The following LRP2 variants were observed in gnomAD, a reference collection of about 807,000 sequenced individuals.
The protein encoded by LRP2 is LDL receptor related protein 2.
In LRP2, 172 loss-of-function variants were observed where a neutral mutation model predicts 531.0. That is an observed-to-expected ratio of 0.32 (90% confidence interval 0.29 to 0.37). The LOEUF (loss-of-function observed/expected upper bound fraction) is 0.37. Ranked by LOEUF, LRP2 falls within the 10% of genes least tolerant of loss-of-function variation. LRP2 has a pLI of 1.00. For missense variants in LRP2, 5,167 were observed against 5,868.3 expected, an observed-to-expected ratio of 0.88 and a Z score of 3.90; for synonymous variants, 1,992 against 2,027.6, an observed-to-expected ratio of 0.98 and a Z score of 0.47.
intron 1 of LRP2, among the ~76,000 whole-genome samples, chr2:169,359,032 A>T (rs1686074122): frequency 6.6e-6 from 1 of 152,070 alleles, no homozygotes; most frequent in Admixed American, 6.5e-5. Flanking sequence ...GGAAATAGGA[A>T]TAGGAAGCAA....
At chr2:169,137,561 A>G in intron 75 of LRP2, 68 bp from the exon 76 acceptor site, 1 of 1,006,394 alleles carries the variant, frequency 9.9e-7, no homozygotes, top group South Asian at 1.3e-5. Context: ...ACACCATACT[A>G]ATCTGGTTCA....
chr2:169,143,543 G>A (rs948860187), intron 70 of LRP2, among the ~76,000 whole-genome samples: 21 of 152,196 alleles, frequency 1.4e-4, no homozygotes, highest in African/African-American at 4.8e-4. Flanking sequence ...GTACTCAGGA[G>A]GCTGAGGCAG....
intron 41 of LRP2, 70 bp from the exon 42 acceptor site, chr2:169,204,341 A>C: frequency 7.3e-7 from 1 of 1,374,848 alleles, no homozygotes; most frequent in Non-Finnish European, 1.0e-6. Context: ...TGGCAGCCCA[A>C]TGCATGCGCC....
At chr2:169,347,310 C>T (rs573300818) in intron 1 of LRP2, among the ~76,000 whole-genome samples, 4 of 152,270 alleles carry the variant, frequency 2.6e-5, no homozygotes, top group Middle Eastern at 6.8e-3. Context: ...ACTTTGGGAC[C>T]AAGAGACCTT....
intron 62 of LRP2, among the ~76,000 whole-genome samples, chr2:169,163,213 CT>C (rs1558988302): frequency 1.3e-5 from 2 of 152,178 alleles, no homozygotes; most frequent in African/African-American, 4.8e-5. Flanking sequence ...CACATGCTTA[CT>C]GAACCTGTCA....
chr2:169,236,930 GATTCAGATGAAGGAGAGATAGCA>G (rs1303893285), intron 28 of LRP2, among the ~76,000 whole-genome samples, 150 bp downstream of exon 28: 1 of 152,198 alleles, frequency 6.6e-6, no homozygotes, highest in Admixed American at 6.5e-5. Context: ...TGAAGAGGAT[GATTCAGATGAAGGAGAGATAGCA>G]ACACCCAGTT....
chr2:169,243,058 C>G lies in LRP2; in HGVS notation c.3565G>C (p.Ala1189Pro), dbSNP rs758122669. Residue 1189 changes from alanine to proline, a missense_variant, in exon 24 of 79, where the codon GCT becomes CCT. Transcript: ENST00000649046. ...CCACTGGCACACTTGAATTGAGAAG[C>G]AGTACAGTTTAATACTAAGAATGAA... is the stretch of plus-strand genomic sequence containing the variant. ...DEVGCVLNCT[A>P]SQFKCASGDK... 1 of 1,612,404 alleles carries G rather than the reference C, an allele frequency of 6.2e-7. No homozygotes were observed. Among genetic ancestry groups the G allele is most frequent in the Non-Finnish European group, 8.5e-7 (1 of 1,178,476 alleles).
At chr2:169,262,557 CAAG>C (rs1690605238) in intron 16 of LRP2, among the ~76,000 whole-genome samples, 1 of 149,668 alleles carries the variant, frequency 6.7e-6, no homozygotes, top group Non-Finnish European at 1.5e-5. Flanking sequence ...AGGACCTCTT[CAAG>C]AAGAACTACA....
intron 9 of LRP2, among the ~76,000 whole-genome samples, chr2:169,284,547 G>T (rs558403771): frequency 1.3e-5 from 2 of 151,980 alleles, no homozygotes; most frequent in Non-Finnish European, 2.9e-5. Flanking sequence ...GACTGCAGGC[G>T]TAAGCCACCG....
chr2:169,287,337 T>A (rs917161386), intron 9 of LRP2, among the ~76,000 whole-genome samples: 5 of 152,182 alleles, frequency 3.3e-5, no homozygotes, highest in African/African-American at 1.2e-4. Flanking sequence ...AGTCACTTGA[T>A]CTTAAAGTAC....
rs375313914 is a variant in LRP2 at position 169,259,027 on chromosome 2, G to A, written c.2511C>T (p.Ala837=). ...TAGGAAAACATGAACACACTTACCC[G>A]GCAAAAGGATGAACTACCACCGACC... The part of the protein sequence containing the change: ...NPRSVVVHPF[A]GYLFFTDWFR... The change falls in exon 17 of 79, where the codon GCC becomes GCT. Residue 837 remains alanine (A), a splice_region_variant and synonymous_variant. Transcript: ENST00000649046. The A allele has an allele frequency of 9.9e-4, 1,604 of 1,612,892 alleles. 21 individuals are homozygous for A. In the South Asian group the frequency reaches 0.01, roughly 10 times the overall value.
chr2:169,209,853 A>G (rs1197256989), intron 37 of LRP2, among the ~76,000 whole-genome samples: 2 of 152,096 alleles, frequency 1.3e-5, no homozygotes, highest in East Asian at 3.9e-4. Context: ...CCCGGGAGAA[A>G]TGTTGATTAT....
chr2:169,156,671 G>A (rs181284649), intron 64 of LRP2, among the ~76,000 whole-genome samples: 1 of 152,202 alleles, frequency 6.6e-6, no homozygotes, highest in African/African-American at 2.4e-5. Context: ...AAGCAATGGA[G>A]ACAGGATTTA....
intron 68 of LRP2, 117 bp downstream of exon 68, chr2:169,150,781 C>A: frequency 7.6e-7 from 1 of 1,307,434 alleles, no homozygotes; most frequent in South Asian, 1.3e-5. Context: ...ACGCTACTCC[C>A]AAAAACTTGA....
intron 63 of LRP2, among the ~76,000 whole-genome samples, chr2:169,159,490 T>C (rs913013454): frequency 6.6e-6 from 1 of 152,184 alleles, no homozygotes; most frequent in Non-Finnish European, 1.5e-5. Context: ...TGCATGAAAG[T>C]CTTATAATAA....
rs368840374 is a variant in LRP2 at position 169,206,906 on chromosome 2, G to A, written c.6814C>T (p.Arg2272Cys). 5.6e-6 allele frequency: 9 copies of A among 1,613,988 alleles called. No individual in the cohort carries two copies. Among genetic ancestry groups the A allele is most frequent in the African/African-American group, 2.7e-5 (2 of 74,892 alleles). Residue 2272 changes from arginine to cysteine, a missense_variant, in exon 39 of 79, where the codon CGT becomes TGT. By Grantham distance (180) the Arg-to-Cys change is radical. Transcript: ENST00000649046. Reference sequence around the variant, plus strand: ...GGAGTTGGGTAACGACTGCCATAACGAATCACTTCAGAGTTCTCTCCATTG... The same window carrying A: ...GGAGTTGGGTAACGACTGCCATAACAAATCACTTCAGAGTTCTCTCCATTG... ...RINGENSEVI[R>C]YGSRYPTPYG...
intron 1 of LRP2, among the ~76,000 whole-genome samples, chr2:169,338,776 C>T (rs1685489402): frequency 6.6e-6 from 1 of 152,074 alleles, no homozygotes; most frequent in Admixed American, 6.6e-5. Context: ...TACAGAAGGG[C>T]AAGGAAGGGG....
chr2:169,137,833 T>A, intron 75 of LRP2, among the ~76,000 whole-genome samples: 2 of 148,122 alleles, frequency 1.4e-5, no homozygotes, highest in Admixed American at 6.7e-5. Flanking sequence ...AGGATAATGG[T>A]GGAAGAAGAA....
At position 169,170,648 on chromosome 2, in the gene LRP2, C is replaced by G; in HGVS notation, c.11283G>C (p.Glu3761Asp). Residue 3761 changes from glutamate (E) to aspartate (D), a missense_variant, in exon 59 of 79, where the codon GAG (glutamate) becomes GAC (aspartate). Around this residue, in one of 6 missense-constraint regions of LRP2, gnomAD observed 564 missense variants for 747.7 expected, o/e 0.75. Coordinates refer to ENST00000649046, the MANE Select transcript of LRP2 (RefSeq NM_004525.3). Reference protein sequence around the residue: ...EENCAPRECTESEFRCVNQQC... With the variant: ...EENCAPRECTDSEFRCVNQQC... The stretch of plus-strand genomic sequence containing the variant: ...GCTGATTGACACATCGAAACTCGCT[C>G]TCTGTGCACTCCCGGGGAGCTGGAA... 6.2e-7 allele frequency: 1 copy of G among 1,613,896 alleles called. No homozygotes were observed. The highest frequency in any genetic ancestry group is 8.5e-7 in the Non-Finnish European group (1 of 1,179,804).
Sources: allele counts gnomAD v4.1 joint callset (sites outside exome capture counted in the v4.1 genomes callset), GRCh38; gene constraint gnomAD v4.1.1; regional missense constraint gnomAD v4.1.1; transcripts MANE v1.5; gene names NCBI Gene and HGNC (gene_info 2026-07-23, HGNC 2026-07-21).